The following ANKRD26 variants were observed in gnomAD, a reference collection of about 807,000 sequenced individuals.
ANKRD26 encodes ankyrin repeat domain 26.
Under a neutral mutation model 208.7 loss-of-function variants are expected in ANKRD26, and 141 were observed. That is an observed-to-expected ratio of 0.68 (90% CI 0.59 to 0.78). The LOEUF is 0.78. Ranked by LOEUF, ANKRD26 falls within the 30% of genes least tolerant of loss-of-function variation. The pLI, the probability that ANKRD26 is intolerant of heterozygous loss-of-function variation, is 0.00. For missense variants in ANKRD26, 1,889 were observed against 1,938.7 expected (o/e 0.97, Z 0.48); for synonymous variants, 636 against 660.4 (o/e 0.96, Z 0.57).
chr10:26,971,573 G>A (rs995085590), downstream of ANKRD26, among the ~76,000 whole-genome samples: 1 of 151,632 alleles, frequency 6.6e-6, no homozygotes, highest in Non-Finnish European at 1.5e-5. Flanking sequence ...TACTCAGGCA[G>A]GCTGAGGCAG....
intron 16 of ANKRD26, among the ~76,000 whole-genome samples, chr10:27,049,187 TAA>T (rs2054563174): frequency 1.3e-5 from 2 of 152,206 alleles, no homozygotes; most frequent in African/African-American, 4.8e-5. Context: ...GAAATTTTTG[TAA>T]AGTCTGCTTC....
chr10:27,013,226 A>T, intron 31 of ANKRD26, 116 bp from the exon 32 acceptor site: 1 of 887,466 alleles, frequency 1.1e-6, no homozygotes, highest in South Asian at 1.4e-5. Context: ...CCCATTAACC[A>T]GTATTTTAAC....
intron 5 of ANKRD26, among the ~76,000 whole-genome samples, chr10:27,083,148 C>T (rs975995420): frequency 5.3e-5 from 8 of 152,154 alleles, no homozygotes; most frequent in African/African-American, 9.7e-5. Context: ...ACTTTTTACA[C>T]TCAATAATCA....
At chr10:27,071,124 T>A (rs189126843) in intron 9 of ANKRD26, among the ~76,000 whole-genome samples, 2 of 151,234 alleles carry the variant, frequency 1.3e-5, no homozygotes, top group African/African-American at 4.9e-5. Context: ...ACAAGATAAA[T>A]CAGAATATTG....
At chr10:26,994,555 T>C (rs1447400547) in intron 5 of ANKRD26, among the ~76,000 whole-genome samples, 1 of 152,214 alleles carries the variant, frequency 6.6e-6, no homozygotes, top group Non-Finnish European at 1.5e-5. Context: ...TTCTTCAACA[T>C]GTTTTTAAGT....
intron 16 of ANKRD26, among the ~76,000 whole-genome samples, chr10:27,052,451 C>T (rs749647049): frequency 7.9e-5 from 12 of 152,128 alleles, no homozygotes; most frequent in Non-Finnish European, 1.6e-4. Flanking sequence ...ATACTGAGCC[C>T]CTACAGTGCA....
chr10:27,049,719 C>T (rs2135353990), intron 16 of ANKRD26, among the ~76,000 whole-genome samples: 1 of 152,178 alleles, frequency 6.6e-6, no homozygotes, highest in East Asian at 1.9e-4. Flanking sequence ...CAGATTAAAA[C>T]AAGAAAGATT....
At chr10:27,066,156 T>A (rs2055237917) in intron 11 of ANKRD26, 1 of 166,022 alleles carries the variant, frequency 6.0e-6, no homozygotes. Flanking sequence ...CCACCTTGCC[T>A]GGCCGACCTG....
At chr10:27,042,130 C>T (rs971410194) in intron 20 of ANKRD26, among the ~76,000 whole-genome samples, 5 of 151,686 alleles carry the variant, frequency 3.3e-5, no homozygotes, top group African/African-American at 7.3e-5. Flanking sequence ...ACAACAGAGT[C>T]GAGAAGCAGA....
chr10:27,081,392 A>G (rs1194083827), intron 6 of ANKRD26, among the ~76,000 whole-genome samples: 1 of 152,160 alleles, frequency 6.6e-6, no homozygotes, highest in African/African-American at 2.4e-5. Context: ...CGCTGGGTTC[A>G]CTAGATCCAC....
Position 27,024,497 on chromosome 10 carries a change from AT to A in ANKRD26, c.4034del (p.Asn1345IlefsTer6). ...LMELKQSLEC[N>X]LDQEMKKNVE... The stretch of plus-strand genomic sequence containing the variant: ...CATTTTTCTTCATTTCTTGATCCAA[AT>A]TACATTCCAGTGACTGTTTTAATTC... On this transcript the variant is annotated frameshift_variant, in exon 28 of 34. Coordinates refer to ENST00000376087, the MANE Select transcript of ANKRD26 (RefSeq NM_014915.3). LOFTEE classifies it high-confidence loss of function. 1.3e-6 allele frequency: 2 copies of A among 1,585,630 alleles called. No homozygotes were observed. The highest frequency in any genetic ancestry group is 2.3e-5 in the South Asian group (2 of 88,600).
intron 19 of ANKRD26, among the ~76,000 whole-genome samples, chr10:27,043,768 T>G (rs1233953390): frequency 2.0e-5 from 3 of 152,082 alleles, no homozygotes. Context: ...AACAAAAGAT[T>G]CTCTTTTTTT....
At chr10:26,972,788 C>T (rs1301990820), downstream of ANKRD26, among the ~76,000 whole-genome samples, 1 of 151,986 alleles carries the variant, frequency 6.6e-6, no homozygotes, top group East Asian at 1.9e-4. Flanking sequence ...GACGGGGTTT[C>T]ACCGTGTTAG....
intron 15 of ANKRD26, among the ~76,000 whole-genome samples, chr10:27,057,840 G>A (rs1390730013): frequency 6.6e-6 from 1 of 152,024 alleles, no homozygotes; most frequent in Non-Finnish European, 1.5e-5. Flanking sequence ...AGGAGGCTGA[G>A]GCAGGAGAAT....
At chr10:27,026,184 C>T (rs958831146) in intron 27 of ANKRD26, among the ~76,000 whole-genome samples, 6 of 152,102 alleles carry the variant, frequency 3.9e-5, no homozygotes, top group Non-Finnish European at 8.8e-5. Flanking sequence ...TGGTTGAAAG[C>T]GGTCTCTATT....
chr10:26,975,717 T>C (rs2052216936), exon 6 of ANKRD26, among the ~76,000 whole-genome samples: 1 of 151,974 alleles, frequency 6.6e-6, no homozygotes, highest in Non-Finnish European at 1.5e-5. Flanking sequence ...GGCAGACACC[T>C]CATAATTGCA....
At chr10:27,042,051 A>G (rs1000650507) in intron 20 of ANKRD26, among the ~76,000 whole-genome samples, 2 of 152,052 alleles carry the variant, frequency 1.3e-5, no homozygotes, top group African/African-American at 4.8e-5. Flanking sequence ...GTCATAGCTT[A>G]TAAGTCAAAA....
chr10:27,012,968 T>C lies in ANKRD26; in HGVS notation c.4867A>G (p.Arg1623Gly), dbSNP rs2053168856. Residue 1623 changes from arginine (R) to glycine (G), a missense_variant, in exon 32 of 34, where the codon AGA becomes GGA. Transcript: ENST00000376087. ...GNLNNSLDLN[R>G]KLIPRENLVI... ...AAGTTTTCTCTTGGAATAAGTTTTC[T>C]GTTGAGATCTAAACTATTATTAAGA... The C allele has an allele frequency of 1.9e-6, 3 of 1,614,134 alleles. No individual in the cohort carries two copies. The highest frequency in any genetic ancestry group is 2.5e-6 in the Non-Finnish European group (3 of 1,179,994).
At chr10:27,061,051 T>C (rs2055035753) in intron 13 of ANKRD26, 93 bp downstream of exon 13, 4 of 977,088 alleles carry the variant, frequency 4.1e-6, no homozygotes, top group Admixed American at 1.7e-5. Context: ...ATATATAACT[T>C]ATTTCTCATC....
Sources: allele counts gnomAD v4.1 joint callset (sites outside exome capture counted in the v4.1 genomes callset), GRCh38; gene constraint gnomAD v4.1.1; transcripts MANE v1.5; gene names NCBI Gene and HGNC (gene_info 2026-07-23, HGNC 2026-07-21).